NAV3: variants seen among roughly 807,000 people sequenced by gnomAD.
NAV3 encodes neuron navigator 3, also known as pore membrane and/or filament interacting like protein 1.
A neutral mutation model predicts 244.7 loss-of-function variants in NAV3; 87 were observed. The observed-to-expected ratio is 0.36, with a 90% CI of 0.30 to 0.42. The LOEUF is 0.42. NAV3 is among the 20% of genes least tolerant of loss of function. The pLI is 1.00. For synonymous variants in NAV3, 1,126 were observed against 1,042.2 expected (o/e 1.08, Z -1.55); for missense variants, 2,663 against 2,893.3 (o/e 0.92, Z 1.83).
At chr12:77,779,554 T>C (rs900572649) in intron 2 of NAV3, among the ~76,000 whole-genome samples, 15 of 152,202 alleles carry the variant, frequency 9.9e-5, no homozygotes, top group African/African-American at 3.4e-4. Flanking sequence ...ATAATTTTCC[T>C]TTTTCTTTTT....
chr12:78,098,400 T>G (rs1309902066), intron 12 of NAV3, among the ~76,000 whole-genome samples: 1 of 151,870 alleles, frequency 6.6e-6, no homozygotes, highest in African/African-American at 2.4e-5. Flanking sequence ...AATAGGGCAG[T>G]GGAAAACATG....
intron 2 of NAV3, among the ~76,000 whole-genome samples, chr12:77,621,241 C>A (rs552460292): frequency 3.3e-5 from 5 of 152,128 alleles, no homozygotes; most frequent in Non-Finnish European, 5.9e-5. Flanking sequence ...ATAGTTAACA[C>A]TAGAAGCTCT....
chr12:77,859,084 T>C (rs1878816999), intron 1 of NAV3, among the ~76,000 whole-genome samples: 1 of 152,118 alleles, frequency 6.6e-6, no homozygotes, highest in South Asian at 2.1e-4. Context: ...AACAAGTGTA[T>C]GTCATTCACA....
intron 8 of NAV3, among the ~76,000 whole-genome samples, chr12:78,008,001 G>T (rs1874538862): frequency 6.6e-6 from 1 of 152,156 alleles, no homozygotes; most frequent in African/African-American, 2.4e-5. Flanking sequence ...TAGGAACCAT[G>T]CACTACTTTG....
At chr12:77,931,483 C>T (rs1239676204) in intron 1 of NAV3, among the ~76,000 whole-genome samples, 1 of 152,034 alleles carries the variant, frequency 6.6e-6, no homozygotes, top group Non-Finnish European at 1.5e-5. Flanking sequence ...TTTTATCTGT[C>T]TATTTTGGTA....
rs118076516 is a variant in NAV3, at chr12:77,692,191, A to G, written c.72+119925A>G. On this transcript the variant is annotated intron_variant, in intron 2 of 8. Coordinates refer to the NAV3 transcript ENST00000550042. ...GTACTAGGAGTACTAAGCATGAAAT[A>G]TATCTGTTTATACAGTGAATATATT... Among the ~76,000 whole-genome samples, 944 of 152,174 alleles carry G rather than the reference A, an allele frequency of 6.2e-3. 3 individuals are homozygous for G. The highest frequency in any genetic ancestry group is 9.7e-3 in the Non-Finnish European group (660 of 67,938).
intron 2 of NAV3, among the ~76,000 whole-genome samples, chr12:77,713,599 T>C (rs1190492964): frequency 2.4e-4 from 37 of 152,178 alleles, no homozygotes; most frequent in Admixed American, 2.4e-3. Flanking sequence ...GTACTACTGC[T>C]TATTCTGTTT....
At chr12:78,073,842 G>C (rs1384054838) in intron 12 of NAV3, among the ~76,000 whole-genome samples, 2 of 151,988 alleles carry the variant, frequency 1.3e-5, no homozygotes, top group African/African-American at 4.8e-5. Flanking sequence ...CCAAAACAGA[G>C]ATATAGATCA....
At chr12:77,609,173 A>G (rs559618299) in intron 2 of NAV3, among the ~76,000 whole-genome samples, 16 of 152,172 alleles carry the variant, frequency 1.1e-4, no homozygotes, top group African/African-American at 3.9e-4. Context: ...AATTCTATGC[A>G]TGGGTGTCAT....
At chr12:77,934,925 T>C (rs1242271) in intron 1 of NAV3, among the ~76,000 whole-genome samples, 73,689 of 152,066 alleles carry the variant, frequency 0.48, 18,701 homozygotes, top group South Asian at 0.65. Context: ...GGTTACAGAT[T>C]AGTGTGTTTT....
intron 38 of NAV3, among the ~76,000 whole-genome samples, chr12:78,203,277 G>C (rs1365236497): frequency 2.0e-5 from 3 of 151,970 alleles, no homozygotes; most frequent in Non-Finnish European, 4.4e-5. Context: ...TAAAAACCTA[G>C]AATTAATTGA....
intron 1 of NAV3, among the ~76,000 whole-genome samples, chr12:77,910,008 G>C (rs898133696): frequency 1.3e-5 from 2 of 152,004 alleles, no homozygotes; most frequent in Non-Finnish European, 2.9e-5. Context: ...TCGATGTTAA[G>C]ATTTTTAACA....
intron 9 of NAV3, among the ~76,000 whole-genome samples, chr12:78,031,750 G>C (rs1035630286): frequency 5.6e-5 from 6 of 107,006 alleles, no homozygotes; most frequent in Non-Finnish European, 1.1e-4. Context: ...TGGGGGGAGG[G>C]GGGAGGGATA....
At chr12:77,727,646 T>A (rs1876937397) in intron 2 of NAV3, among the ~76,000 whole-genome samples, 1 of 151,958 alleles carries the variant, frequency 6.6e-6, no homozygotes, top group Admixed American at 6.6e-5. Context: ...AAGTGTGATA[T>A]GACAGGGCCC....
At chr12:77,959,912 CAAAAAAAAAA>C (rs57550714) in intron 3 of NAV3, among the ~76,000 whole-genome samples, 1,210 of 64,828 alleles carry the variant, frequency 0.019, 14 homozygotes, top group South Asian at 0.1. Flanking sequence ...CCTGACCCGA[CAAAAAAAAAA>C]AAAAAAAAAA....
rs148251715 is a variant in NAV3 at position 78,200,625 on chromosome 12, T to TAAA, written c.6834+43_6834+45dup. 1.2e-4 allele frequency: 129 copies of TAAA among 1,036,848 alleles called. 1 individual carries two copies. The highest frequency in any genetic ancestry group is 1.0e-3 in the African/African-American group (61 of 59,912). 64.2% of individuals were successfully genotyped at this position (1,036,848 alleles called of 1,614,324 possible). A position where few individuals can be genotyped will look rare whatever the true frequency, so the allele number is the denominator to read the frequency against. On this transcript the variant is annotated intron_variant, in intron 38 of 39. Transcript: ENST00000397909. ...CTCAATTTTCATTGCTATTTTTTTT[T>TAAA]AAAAAAAAAAAGCAAAAAAAATTAC... is the stretch of plus-strand genomic sequence containing the variant.
In NAV3 at chr12:78,006,449, G is replaced by C. The variant is rs199775278; in HGVS notation, c.911G>C (p.Gly304Ala). ...DSSKGPQSSS[G>A]VNGNVQPPST... ...TCCAAAGGACCTCAATCGTCTTCAG[G>C]TGTAAATGGTAACGTGCAGCCTCCC... Residue 304 changes from glycine (G) to alanine (A), a missense_variant, in exon 8 of 40, where the codon GGT becomes GCT. Physicochemically the swap from Gly to Ala is moderately conservative, Grantham distance 60. This residue lies in a region of NAV3 where 1,521 missense variants were observed against 1,497.0 expected (regional missense o/e 1.02). Transcript: ENST00000397909. 1 of 1,614,002 alleles carries C rather than the reference G, an allele frequency of 6.2e-7. No homozygotes were observed. Among genetic ancestry groups the C allele is most frequent in the Non-Finnish European group, 8.5e-7 (1 of 1,179,972 alleles).
chr12:77,915,823 GT>G (rs1024963852), intron 1 of NAV3, among the ~76,000 whole-genome samples: 3 of 151,972 alleles, frequency 2.0e-5, no homozygotes, highest in Non-Finnish European at 4.4e-5. Flanking sequence ...TCCCATCAAT[GT>G]TTATTGATCA....
At chr12:78,204,201 T>C (rs925656788) in intron 38 of NAV3, among the ~76,000 whole-genome samples, 3 of 150,984 alleles carry the variant, frequency 2.0e-5, no homozygotes, top group Admixed American at 6.6e-5. Flanking sequence ...CCGGGGACTG[T>C]TGTGGGGTGG....
Sources: gnomAD v4.1 joint callset for allele counts (sites outside exome capture counted in the v4.1 genomes callset) on GRCh38, gnomAD v4.1.1 for gene constraint, gnomAD v4.1.1 regional missense constraint, MANE v1.5 for transcripts, NCBI Gene and HGNC (gene_info 2026-07-23, HGNC 2026-07-21) for gene names.